The following INPP5D variants were observed in gnomAD, a reference collection of about 807,000 sequenced individuals.
INPP5D encodes the protein inositol polyphosphate-5-phosphatase D.
Under a neutral mutation model 122.9 loss-of-function variants are expected in INPP5D, and 33 were observed. The observed-to-expected ratio is 0.27, with a 90% CI of 0.20 to 0.36. The LOEUF (loss-of-function observed/expected upper bound fraction) is 0.36. INPP5D is among the 10% of genes least tolerant of loss of function. The probability of loss-of-function intolerance (pLI) is 1.00; values close to 1 mark genes in which losing one functional copy is unlikely to be tolerated. For missense variants in INPP5D, 1,053 were observed against 1,412.7 expected (o/e 0.75, Z 4.08); for synonymous variants, 584 against 576.2 (o/e 1.01, Z -0.19).
Position 233,184,448 on chromosome 2 carries a change from C to T in INPP5D, c.2202C>T (p.Leu734=). The part of the protein sequence containing the change: ...TVDSQGQIEF[L]RCYATLKTKS... ...ACAGCCAAGGACAGATTGAGTTTCTCAGGTGCTATGCCACATTGAAGACCA... is the reference window on the plus strand; with the variant it reads ...ACAGCCAAGGACAGATTGAGTTTCTTAGGTGCTATGCCACATTGAAGACCA... The change falls in exon 20 of 27, where the codon CTC becomes CTT. Residue 734 remains leucine, a synonymous_variant. Coordinates refer to ENST00000445964, the MANE Select transcript of INPP5D (RefSeq NM_001017915.3). The T allele has an allele frequency of 6.2e-7, 1 of 1,614,064 alleles. No homozygotes were observed. The highest frequency in any genetic ancestry group is 1.3e-5 in the African/African-American group (1 of 75,068).
At chr2:233,185,730 A>AT in intron 20 of INPP5D, 113 bp from the exon 21 acceptor site, 1 of 1,201,816 alleles carries the variant, frequency 8.3e-7, no homozygotes, top group African/African-American at 1.6e-5. Flanking sequence ...AAAAAAAAAA[A>AT]AAAAAAAGGA....
At chr2:233,129,415 T>A (rs1003420668) in intron 4 of INPP5D, among the ~76,000 whole-genome samples, 2 of 152,126 alleles carry the variant, frequency 1.3e-5, no homozygotes, top group African/African-American at 2.4e-5. Flanking sequence ...GAACAAACAC[T>A]CAAGCGTTAC....
Position 233,164,242 on chromosome 2 carries a change from A to C in INPP5D, c.1438-65A>C. 6.7e-7 allele frequency: 1 copy of C among 1,492,754 alleles called. No homozygotes were observed. The highest frequency in any genetic ancestry group is 9.0e-7 in the Non-Finnish European group (1 of 1,115,316). The allele number at this position is 1,492,754 out of a possible 1,614,324, so 92.5% of individuals were successfully genotyped here. On this transcript the variant is annotated intron_variant, in intron 12 of 26. Transcript: ENST00000445964. The surrounding 1 kb of genome is among the most constrained non-coding windows in gnomAD (Gnocchi z 4.3). ...GGGGCTGCGGCTGGGGCTGGGTGTG[A>C]ATCACTGTGCCCTGGTTCACACCCT... is the stretch of plus-strand genomic sequence containing the variant.
chr2:233,121,024 C>T (rs943432572), intron 2 of INPP5D, among the ~76,000 whole-genome samples: 1 of 151,248 alleles, frequency 6.6e-6, no homozygotes, highest in African/African-American at 2.4e-5. Flanking sequence ...CCCCACCAAA[C>T]ACACTCACAA....
At position 233,195,248 on chromosome 2, in the gene INPP5D, G is replaced by A. The variant is rs568489921; in HGVS notation, c.2597-151G>A. 47 of 1,133,958 alleles carry A rather than the reference G, an allele frequency of 4.1e-5. No individual in the cohort carries two copies. The South Asian group carries it at 6.6e-4, about 16-fold the overall frequency. 70.2% of individuals were successfully genotyped at this position (1,133,958 alleles called of 1,614,324 possible). A position where few individuals can be genotyped will look rare whatever the true frequency, so the allele number is the denominator to read the frequency against. ...TAACTAATCAATCACTGAACTCTTA[G>A]GAGGCCTCAGAATCTTGCTTAACTC... On this transcript the variant is annotated intron_variant, in intron 23 of 26. Transcript: ENST00000445964.
chr2:233,206,184 ATAG>A lies in INPP5D; in HGVS notation c.3568-519_3568-517del, dbSNP rs1438675701. ...ACCCATCTGTAAAAAGGGGCTGTTAATAGTACCTACCTCATAGACTTAGAAGGA... is the reference window on the plus strand; with the variant it reads ...ACCCATCTGTAAAAAGGGGCTGTTAATACCTACCTCATAGACTTAGAAGGA... On this transcript the variant is annotated intron_variant, in intron 26 of 26. Transcript: ENST00000445964. The surrounding 1 kb of genome is among the most constrained non-coding windows in gnomAD (Gnocchi z 4.0). Among the ~76,000 whole-genome samples, 1 of 152,160 alleles carries A rather than the reference ATAG, an allele frequency of 6.6e-6. No individual in the cohort carries two copies. The highest frequency in any genetic ancestry group is 1.5e-5 in the Non-Finnish European group (1 of 68,038).
intron 2 of INPP5D, among the ~76,000 whole-genome samples, chr2:233,080,730 A>G (rs764946475): frequency 6.6e-6 from 1 of 152,204 alleles, no homozygotes; most frequent in Non-Finnish European, 1.5e-5. Context: ...AGCTGGACTC[A>G]AGGTGTGGGG....
chr2:233,095,798 C>A (rs762343885), intron 2 of INPP5D, among the ~76,000 whole-genome samples: 1 of 152,082 alleles, frequency 6.6e-6, no homozygotes, highest in Non-Finnish European at 1.5e-5. Flanking sequence ...AAATAGAGAT[C>A]CCCTTCTCCT....
At chr2:233,114,148 T>A (rs1692718376) in intron 2 of INPP5D, among the ~76,000 whole-genome samples, 1 of 152,180 alleles carries the variant, frequency 6.6e-6, no homozygotes, top group Non-Finnish European at 1.5e-5. Context: ...GACCTTGTGA[T>A]CTGCCCGCCT....
chr2:233,184,268 T>C, intron 19 of INPP5D, 140 bp from the exon 20 acceptor site: 1 of 1,245,224 alleles, frequency 8.0e-7, no homozygotes. Flanking sequence ...GATTTCGCTG[T>C]AGCTTTAGTT....
rs539327833 is a variant in INPP5D at position 233,155,004 on chromosome 2, G to A, written c.1031-3309G>A. ...GGCCTGCCACACCGGGATTACAGGC[G>A]TGAGCCACTGCACCCAGCCTTGGAG... is the stretch of plus-strand genomic sequence containing the variant. On this transcript the variant is annotated intron_variant, in intron 9 of 26. Transcript: ENST00000445964. Among the ~76,000 whole-genome samples, 10 of 152,266 alleles carry A rather than the reference G, an allele frequency of 6.6e-5. No individual in the cohort carries two copies. In the South Asian group the frequency reaches 1.0e-3, roughly 16 times the overall value.
rs971384439 is a variant in INPP5D, at chr2:233,183,090, A to G, written c.2161+591A>G. 6.6e-6 allele frequency among the ~76,000 whole-genome samples: 1 copy of G among 152,164 alleles called. No individual in the cohort carries two copies. The highest frequency in any genetic ancestry group is 2.4e-5 in the African/African-American group (1 of 41,442). ...CACAGTAAATAATATTTAGATTTGCAGGTAATTTTTCAAATAATCCAGCTC... is the reference window on the plus strand; with the variant it reads ...CACAGTAAATAATATTTAGATTTGCGGGTAATTTTTCAAATAATCCAGCTC... On this transcript the variant is annotated intron_variant, in intron 19 of 26. Coordinates refer to ENST00000445964, the MANE Select transcript of INPP5D (RefSeq NM_001017915.3). This position sits in a 1 kb window ranked among gnomAD's most constrained non-coding sequence, Gnocchi z 4.6.
At chr2:233,066,813 C>T (rs72982227) in intron 1 of INPP5D, among the ~76,000 whole-genome samples, 7,948 of 151,736 alleles carry the variant, frequency 0.052, 545 homozygotes, top group African/African-American at 0.16. Flanking sequence ...CATCTCACCC[C>T]TGTTGCCCAG....
intron 5 of INPP5D, among the ~76,000 whole-genome samples, chr2:233,138,858 G>C (rs924859577): frequency 6.6e-5 from 10 of 151,910 alleles, no homozygotes; most frequent in African/African-American, 2.4e-4. Flanking sequence ...CCACTCTCCT[G>C]CCTCAGTCTT....
Position 233,163,845 on chromosome 2 carries a change from A to G in INPP5D, c.1379A>G (p.Glu460Gly). The part of the protein sequence containing the change: ...GTQEDPLSEK[E>G]WLEILKHSLQ... ...CAAGAGGACCCCCTGAGTGAGAAGG[A>G]GTGGCTGGAGATCCTCAAACACTCC... is the stretch of plus-strand genomic sequence containing the variant. Residue 460 changes from glutamate to glycine, a missense_variant, in exon 12 of 27, where the codon GAG becomes GGG. This residue lies in a region of INPP5D where 105 missense variants were observed against 199.8 expected (regional missense o/e 0.53). Coordinates refer to ENST00000445964, the MANE Select transcript of INPP5D (RefSeq NM_001017915.3). 1 of 1,613,924 alleles carries G rather than the reference A, an allele frequency of 6.2e-7. No homozygotes were observed. The highest frequency in any genetic ancestry group is 8.5e-7 in the Non-Finnish European group (1 of 1,179,874).
At chr2:233,101,970 C>T (rs903209279) in intron 2 of INPP5D, among the ~76,000 whole-genome samples, 2 of 151,826 alleles carry the variant, frequency 1.3e-5, no homozygotes, top group Non-Finnish European at 2.9e-5. Context: ...TCCATTAGCA[C>T]AGTTAGCAGA....
chr2:233,175,166 C>T lies in INPP5D; in HGVS notation c.1990-2099C>T, dbSNP rs185749575. Among the ~76,000 whole-genome samples the T allele has an allele frequency of 1.2e-3, 156 of 125,164 alleles. 1 individual carries two copies. In the Middle Eastern group the frequency reaches 0.035, roughly 28 times the overall value. 82.1% of individuals were successfully genotyped at this position (125,164 alleles called of 152,430 possible). A position where few individuals can be genotyped will look rare whatever the true frequency, so the allele number is the denominator to read the frequency against. On this transcript the variant is annotated intron_variant, in intron 17 of 26. Coordinates refer to ENST00000445964, the MANE Select transcript of INPP5D (RefSeq NM_001017915.3). ...CTGGGAGGTGGAGATGGTGGTGAGCCGAGACCATGCCACTGCACTCCAACC... is the reference window on the plus strand; with the variant it reads ...CTGGGAGGTGGAGATGGTGGTGAGCTGAGACCATGCCACTGCACTCCAACC...
At position 233,206,277 on chromosome 2, in the gene INPP5D, T is replaced by G. The variant is rs963869524; in HGVS notation, c.3568-429T>G. ...TATCATCTATATAGAAATTATATAT[T>G]TATATTTATGTATTTACATTGATAT... On this transcript the variant is annotated intron_variant, in intron 26 of 26. Transcript: ENST00000445964. The surrounding 1 kb of genome is among the most constrained non-coding windows in gnomAD (Gnocchi z 4.0). Among the ~76,000 whole-genome samples, 1 of 151,752 alleles carries G rather than the reference T, an allele frequency of 6.6e-6. No individual in the cohort carries two copies. Among genetic ancestry groups the G allele is most frequent in the African/African-American group, 2.4e-5 (1 of 41,334 alleles).
chr2:233,067,819 T>C (rs1691267651), intron 1 of INPP5D, among the ~76,000 whole-genome samples: 2 of 152,232 alleles, frequency 1.3e-5, no homozygotes, highest in Admixed American at 1.3e-4. Flanking sequence ...TAATGGCCAT[T>C]TGTATTTGGA....
Sources: allele counts gnomAD v4.1 joint callset (sites outside exome capture counted in the v4.1 genomes callset), GRCh38; gene constraint gnomAD v4.1.1; regional missense constraint gnomAD v4.1.1; non-coding constraint Gnocchi (gnomAD v3.1); transcripts MANE v1.5; gene names NCBI Gene and HGNC (gene_info 2026-07-23, HGNC 2026-07-21).